The following DISC1 variants were observed in gnomAD, a reference collection of about 807,000 sequenced individuals.
The protein encoded by DISC1 is DISC1 scaffold protein.
Under a neutral mutation model 84.5 loss-of-function variants are expected in DISC1, and 57 were observed. That is an observed-to-expected ratio of 0.67 (90% CI 0.55 to 0.84). The LOEUF is 0.84. Among genes scored for constraint, DISC1 ranks in the 40% least tolerant of loss-of-function variants. The pLI is 0.00. For missense variants in DISC1, 1,000 were observed against 1,057.8 expected, an observed-to-expected ratio of 0.95 and a Z score of 0.76; for synonymous variants, 411 against 415.2, an observed-to-expected ratio of 0.99 and a Z score of 0.12.
intron 1 of DISC1, among the ~76,000 whole-genome samples, chr1:231,640,880 G>C (rs1164186249): frequency 6.6e-6 from 1 of 152,032 alleles, no homozygotes; most frequent in Non-Finnish European, 1.5e-5. Flanking sequence ...GATTCTCCTG[G>C]TTGACTTACA....
chr1:231,759,526 CA>C (rs767431903), intron 4 of DISC1, among the ~76,000 whole-genome samples: 50 of 48,294 alleles, frequency 1.0e-3, no homozygotes, highest in African/African-American at 4.1e-3. Flanking sequence ...CCCATCTCTA[CA>C]AAAAAAAAAA....
intron 1 of DISC1, among the ~76,000 whole-genome samples, chr1:231,628,279 T>C (rs1211851324): frequency 6.6e-6 from 1 of 152,164 alleles, no homozygotes; most frequent in Non-Finnish European, 1.5e-5. Flanking sequence ...TTTGAGCCTG[T>C]TTTCTCATCT....
At chr1:231,934,443 G>A (rs907468080) in intron 9 of DISC1, among the ~76,000 whole-genome samples, 3 of 152,208 alleles carry the variant, frequency 2.0e-5, no homozygotes, top group South Asian at 4.1e-4. Context: ...AAGAACAGCT[G>A]CTCTTAAATG....
intron 9 of DISC1, among the ~76,000 whole-genome samples, chr1:231,908,775 C>T (rs952042161): frequency 8.5e-5 from 13 of 152,172 alleles, no homozygotes; most frequent in East Asian, 1.9e-4. Context: ...TGGCCATTTT[C>T]GCGATATTGA....
chr1:231,633,399 G>A (rs1417085382), intron 1 of DISC1, among the ~76,000 whole-genome samples: 1 of 152,198 alleles, frequency 6.6e-6, no homozygotes, highest in African/African-American at 2.4e-5. Context: ...TTCTGCACTG[G>A]GGAGGGGGCT....
intron 9 of DISC1, among the ~76,000 whole-genome samples, chr1:231,864,445 C>T (rs575993748): frequency 8.5e-5 from 13 of 152,138 alleles, no homozygotes; most frequent in African/African-American, 2.7e-4. Flanking sequence ...GGGCAGATCA[C>T]GAGGTCAGGA....
At chr1:231,833,805 T>C (rs1271437463) in intron 9 of DISC1, among the ~76,000 whole-genome samples, 1 of 152,192 alleles carries the variant, frequency 6.6e-6, no homozygotes, top group Non-Finnish European at 1.5e-5. Context: ...CTCAGAAATA[T>C]GTTGCTACTT....
At chr1:231,971,181 G>C (rs1431344706) in intron 10 of DISC1, among the ~76,000 whole-genome samples, 2 of 152,168 alleles carry the variant, frequency 1.3e-5, no homozygotes, top group Non-Finnish European at 2.9e-5. Context: ...CATTTGGCTA[G>C]GAGTTAGGAA....
chr1:231,993,838 C>A (rs1241060798), intron 10 of DISC1, among the ~76,000 whole-genome samples: 1 of 152,188 alleles, frequency 6.6e-6, no homozygotes, highest in Non-Finnish European at 1.5e-5. Context: ...AACTTCAATT[C>A]ATGCTTCATA....
intron 9 of DISC1, chr1:231,866,378 C>T (rs897147303): frequency 3.2e-6 from 2 of 615,410 alleles, no homozygotes; most frequent in Admixed American, 5.1e-5. Flanking sequence ...TTAATTATCT[C>T]TGAAGTCACT....
chr1:231,673,640 T>C (rs1399141268), intron 1 of DISC1, among the ~76,000 whole-genome samples: 1 of 152,228 alleles, frequency 6.6e-6, no homozygotes, highest in African/African-American at 2.4e-5. Context: ...GAGGCTCTAC[T>C]TGAAACCAAA....
intron 1 of DISC1, among the ~76,000 whole-genome samples, chr1:231,650,528 C>A (rs2060524863): frequency 1.3e-5 from 2 of 152,128 alleles, no homozygotes; most frequent in Non-Finnish European, 2.9e-5. Flanking sequence ...GTGAATCTGA[C>A]AATTATATGT....
At chr1:231,683,944 G>A (rs1409484720) in intron 1 of DISC1, among the ~76,000 whole-genome samples, 2 of 152,002 alleles carry the variant, frequency 1.3e-5, no homozygotes, top group African/African-American at 4.8e-5. Flanking sequence ...CACTGTGCTT[G>A]CTGTTCTCTC....
Position 232,031,267 on chromosome 1 carries a change from A to G in DISC1, c.2425+4715A>G, listed in dbSNP as rs1184285365. Among the ~76,000 whole-genome samples the G allele has an allele frequency of 2.1e-5, 3 of 141,762 alleles. No individual in the cohort carries two copies. The East Asian group carries it at 6.5e-4, about 31-fold the overall frequency. 93.0% of individuals were successfully genotyped at this position (141,762 alleles called of 152,430 possible). Reference sequence around the variant, plus strand: ...GAAGGAAGGAAGGAGAAAGAAAGATAAAGAAAGAAAAAGAAAGAAAAGAGG... The same window carrying G: ...GAAGGAAGGAAGGAGAAAGAAAGATGAAGAAAGAAAAAGAAAGAAAAGAGG... On this transcript the variant is annotated intron_variant, in intron 12 of 12. Coordinates refer to ENST00000439617, the MANE Select transcript of DISC1 (RefSeq NM_018662.3). The surrounding 1 kb of genome is among the most constrained non-coding windows in gnomAD (Gnocchi z 4.6).
intron 3 of DISC1, among the ~76,000 whole-genome samples, chr1:231,719,012 C>T (rs2069197484): frequency 1.3e-5 from 2 of 152,148 alleles, no homozygotes; most frequent in Non-Finnish European, 2.9e-5. Context: ...ATAGACTCAG[C>T]TACATGGGAG....
At chr1:231,718,389 ACTT>A in intron 3 of DISC1, among the ~76,000 whole-genome samples, 1 of 150,180 alleles carries the variant, frequency 6.7e-6, no homozygotes, top group East Asian at 2.0e-4. Context: ...TAGCTTTCTA[ACTT>A]CATTTCTTGC....
intron 3 of DISC1, among the ~76,000 whole-genome samples, chr1:231,739,581 A>G (rs540411693): frequency 6.6e-6 from 1 of 152,342 alleles, no homozygotes; most frequent in East Asian, 1.9e-4. Flanking sequence ...TTTTCTGCAC[A>G]GGAAGAGACG....
intron 9 of DISC1, 124 bp downstream of exon 9, chr1:231,818,641 C>T: frequency 6.8e-7 from 1 of 1,473,716 alleles, no homozygotes; most frequent in Non-Finnish European, 9.0e-7. Flanking sequence ...GCACATGGCC[C>T]TTTTCCTTGG....
At chr1:231,934,868 G>A (rs893227921) in intron 9 of DISC1, among the ~76,000 whole-genome samples, 3 of 152,280 alleles carry the variant, frequency 2.0e-5, no homozygotes, top group Non-Finnish European at 2.9e-5. Flanking sequence ...ATTCTGGATT[G>A]TGCTTCCTCC....
Sources: allele counts gnomAD v4.1 joint callset (sites outside exome capture counted in the v4.1 genomes callset), GRCh38; gene constraint gnomAD v4.1.1; non-coding constraint Gnocchi (gnomAD v3.1); transcripts MANE v1.5; gene names NCBI Gene and HGNC (gene_info 2026-07-23, HGNC 2026-07-21).